The following CIITA variants were observed in gnomAD, a reference collection of about 807,000 sequenced individuals.
The protein encoded by CIITA is class II major histocompatibility complex transactivator.
In CIITA, 72 loss-of-function variants were observed where a neutral mutation model predicts 115.1. The observed-to-expected ratio is 0.63, with a 90% CI of 0.52 to 0.76. The LOEUF (loss-of-function observed/expected upper bound fraction) is 0.76, where lower values mean the gene tolerates loss of function less well. Ranked by LOEUF, CIITA falls within the 30% of genes least tolerant of loss-of-function variation. CIITA has a pLI of 0.00. For missense variants in CIITA, 1,617 were observed against 1,463.8 expected (o/e 1.10, Z -1.71); for synonymous variants, 763 against 635.6 (o/e 1.20, Z -3.02).
chr16:10,872,295 A>C (rs905276887), upstream of CIITA, among the ~76,000 whole-genome samples: 23 of 151,470 alleles, frequency 1.5e-4, no homozygotes, highest in African/African-American at 5.3e-4. Context: ...GCTAATTTTT[A>C]TATTTTTAGT....
chr16:10,906,872 G>A lies in CIITA; in HGVS notation c.1380G>A (p.Gly460=). The A allele has an allele frequency of 1.2e-6, 2 of 1,613,500 alleles. No homozygotes were observed. Among genetic ancestry groups the A allele is most frequent in the East Asian group, 2.2e-5 (1 of 44,880 alleles). ...SVPCHCLNRP[G]DAYGLQDLLF... is the part of the protein sequence containing the mutation. ...CCTGCCATTGCTTGAACCGTCCGGGGGATGCCTATGGCCTGCAGGATCTGC... is the reference window on the plus strand; with the variant it reads ...CCTGCCATTGCTTGAACCGTCCGGGAGATGCCTATGGCCTGCAGGATCTGC... Residue 460 remains glycine, a synonymous_variant, in exon 11 of 20, where the codon GGG becomes GGA. Transcript: ENST00000324288.
intron 1 of CIITA, among the ~76,000 whole-genome samples, chr16:10,891,766 C>T (rs1326561912): frequency 6.6e-6 from 1 of 152,230 alleles, no homozygotes; most frequent in African/African-American, 2.4e-5. Context: ...GAGCATCTCA[C>T]CCCCAACCAT....
rs1244422538 is a variant in CIITA, at chr16:10,911,414, ATCTC to A, written c.2888+1161_2888+1164del. ...TCTCTCCCTTCCTTCCTCCCTCCCT[ATCTC>A]TCTCTTTCTTTCTTTCTTTCCTTCT... On this transcript the variant is annotated intron_variant, in intron 13 of 19. Transcript: ENST00000324288. Among the ~76,000 whole-genome samples the A allele has an allele frequency of 7.0e-3, 666 of 94,626 alleles. 3 individuals carry two copies. The highest frequency in any genetic ancestry group is 0.023 in the African/African-American group (581 of 25,436). 62.1% of individuals were successfully genotyped at this position (94,626 alleles called of 152,430 possible).
Position 10,907,897 on chromosome 16 carries a change from G to A in CIITA, c.2405G>A (p.Arg802Gln), listed in dbSNP as rs201182990. 7.2e-5 allele frequency: 115 copies of A among 1,587,592 alleles called. 1 individual carries two copies. In the East Asian group the frequency reaches 1.2e-3, roughly 16 times the overall value. ...YLKRLQPGTL[R>Q]ARQLLELLHC... ...AAGCGGCTGCAGCCGGGGACACTGC[G>A]GGCGCGGCAGCTGCTGGAGCTGCTG... is the stretch of plus-strand genomic sequence containing the variant. The change falls in exon 11 of 20, where the codon CGG becomes CAG. Residue 802 changes from arginine to glutamine, a missense_variant. By Grantham distance (43) the Arg-to-Gln change is conservative (BLOSUM62 1). Coordinates refer to ENST00000324288, the MANE Select transcript of CIITA (RefSeq NM_000246.4). The surrounding 1 kb of genome is among the most constrained non-coding windows in gnomAD (Gnocchi z 5.0).
At position 10,935,463 on chromosome 16, in the gene CIITA, T is replaced by C. The variant is rs988511793; in HGVS notation, c.*11608T>C. On this transcript the variant is annotated 3_prime_UTR_variant, in exon 20 of 20. Transcript: ENST00000324288. The stretch of plus-strand genomic sequence containing the variant: ...GTTAATGACTTTGGCAGTTAGTGTT[T>C]TTATCCATGCCAAGCGATGATGATT... 1.3e-5 allele frequency: 2 copies of C among 152,264 alleles called. No homozygotes were observed. Among genetic ancestry groups the C allele is most frequent in the African/African-American group, 2.4e-5 (1 of 41,474 alleles). The allele number at this position is 152,264 out of a possible 1,614,324, so 9.4% of individuals were successfully genotyped here. A position where few individuals can be genotyped will look rare whatever the true frequency, so the allele number is the denominator to read the frequency against.
At position 10,898,751 on chromosome 16, in the gene CIITA, G is replaced by A. The variant is rs2038398049; in HGVS notation, c.358+19G>A. 6.2e-7 allele frequency: 1 copy of A among 1,610,936 alleles called. No individual in the cohort carries two copies. ...ATTTTCAGTAAGTTTGTGGTGGGTG[G>A]GGAGGTCTTGGCTCAGCCTGCATTT... On this transcript the variant is annotated intron_variant, in intron 4 of 19. Coordinates refer to ENST00000324288, the MANE Select transcript of CIITA (RefSeq NM_000246.4).
chr16:10,909,884 G>A (rs931174760), intron 12 of CIITA, among the ~76,000 whole-genome samples: 5 of 152,074 alleles, frequency 3.3e-5, no homozygotes, highest in African/African-American at 7.2e-5. Flanking sequence ...ATAGGTGCAC[G>A]TCATCACACC....
At chr16:10,891,534 C>A (rs953463728) in intron 1 of CIITA, among the ~76,000 whole-genome samples, 2 of 152,192 alleles carry the variant, frequency 1.3e-5, no homozygotes, top group African/African-American at 4.8e-5. Flanking sequence ...CAAAGTCACA[C>A]AACTCATTCA....
chr16:10,893,126 C>T (rs1031581010), intron 1 of CIITA, among the ~76,000 whole-genome samples: 2 of 152,110 alleles, frequency 1.3e-5, no homozygotes, highest in Non-Finnish European at 2.9e-5. Flanking sequence ...ACCAGTAGTT[C>T]CCAGCAGCTA....
At position 10,901,394 on chromosome 16, in the gene CIITA, G is replaced by A; in HGVS notation, c.437-120G>A. The A allele has an allele frequency of 2.9e-6, 3 of 1,031,368 alleles. No homozygotes were observed. The South Asian group carries it at 4.0e-5, about 14-fold the overall frequency. 63.9% of individuals were successfully genotyped at this position (1,031,368 alleles called of 1,614,324 possible). On this transcript the variant is annotated intron_variant, in intron 5 of 19. Transcript: ENST00000324288. This position sits in a 1 kb window ranked among gnomAD's most constrained non-coding sequence, Gnocchi z 6.8. ...ATGTTAGAGCGAGGGGAGGAAAATG[G>A]ACCCCCAAGACCACTACCCAGCCTT...
chr16:10,910,118 C>G (rs983948131), intron 12 of CIITA, 70 bp from the exon 13 acceptor site: 2 of 1,361,278 alleles, frequency 1.5e-6, no homozygotes, highest in Non-Finnish European at 2.1e-6. Flanking sequence ...GGGCAGCCAT[C>G]ATGGGACCCA....
downstream of CIITA, chr16:10,938,897 C>T (rs1039968673): frequency 7.2e-5 from 11 of 152,160 alleles, no homozygotes; most frequent in African/African-American, 2.7e-4. The surrounding 1 kb of genome is among the most constrained non-coding windows in gnomAD (Gnocchi z 4.9). Flanking sequence ...TCAGAATATG[C>T]CAATGTTTTC....
intron 16 of CIITA, 121 bp downstream of exon 16, chr16:10,918,647 A>G: frequency 1.3e-6 from 1 of 798,818 alleles, no homozygotes; most frequent in Admixed American, 2.3e-5. Context: ...ACAGCCCTGA[A>G]CAAAAGGATT....
chr16:10,940,108 G>A (rs1034691392), downstream of CIITA: 1 of 152,220 alleles, frequency 6.6e-6, no homozygotes, highest in Admixed American at 6.5e-5. This position sits in a 1 kb window ranked among gnomAD's most constrained non-coding sequence, Gnocchi z 4.2. Flanking sequence ...CATTAGGAGA[G>A]CCCTCTGCCG....
chr16:10,918,358 C>G, intron 15 of CIITA, 82 bp from the exon 16 acceptor site: 1 of 1,228,370 alleles, frequency 8.1e-7, no homozygotes, highest in Non-Finnish European at 1.2e-6. Flanking sequence ...CATTCACAGC[C>G]TATGACCCAG....
chr16:10,892,323 CA>C (rs1033904354), intron 1 of CIITA, among the ~76,000 whole-genome samples: 62 of 132,362 alleles, frequency 4.7e-4, no homozygotes, highest in Admixed American at 4.6e-4. Flanking sequence ...GACTCTGTCT[CA>C]AAAAAAAAAA....
intron 13 of CIITA, among the ~76,000 whole-genome samples, chr16:10,913,989 TA>T (rs1208262574): frequency 4.7e-4 from 58 of 123,962 alleles, no homozygotes; most frequent in East Asian, 4.7e-4. Flanking sequence ...CCCTCATGGT[TA>T]AAAAAAAAAC....
chr16:10,910,108 G>A, intron 12 of CIITA, 80 bp from the exon 13 acceptor site: 1 of 1,205,700 alleles, frequency 8.3e-7, no homozygotes, highest in Non-Finnish European at 1.2e-6. Context: ...TGGGGCACTG[G>A]GGCAGCCATC....
chr16:10,871,764 G>A (rs1439366171), intron 1 of CIITA, among the ~76,000 whole-genome samples: 4 of 152,166 alleles, frequency 2.6e-5, no homozygotes, highest in South Asian at 4.1e-4. Context: ...TTGCCTCAGG[G>A]AGGGGGATGT....
Sources: allele counts gnomAD v4.1 joint callset (sites outside exome capture counted in the v4.1 genomes callset), GRCh38; gene constraint gnomAD v4.1.1; non-coding constraint Gnocchi (gnomAD v3.1); transcripts MANE v1.5; gene names NCBI Gene and HGNC (gene_info 2026-07-23, HGNC 2026-07-21).